The following TNFAIP2 variants were observed in gnomAD, a reference collection of about 807,000 sequenced individuals.
The protein encoded by TNFAIP2 is TNF alpha induced protein 2, also known as tumor necrosis factor alpha-induced protein 2.
TNFAIP2 carries 47 observed loss-of-function variants against 63.5 expected under a neutral mutation model. That is an observed-to-expected ratio of 0.74 (90% CI 0.59 to 0.94). The LOEUF (loss-of-function observed/expected upper bound fraction) is 0.94. Ranked by LOEUF, TNFAIP2 falls within the 40% of genes least tolerant of loss-of-function variation. The probability of loss-of-function intolerance (pLI) is 0.00; values close to 1 mark genes in which losing one functional copy is unlikely to be tolerated. For synonymous variants in TNFAIP2, 405 were observed against 390.2 expected, an observed-to-expected ratio of 1.04 and a Z score of -0.45; for missense variants, 787 against 850.2, an observed-to-expected ratio of 0.93 and a Z score of 0.92.
Position 103,131,170 on chromosome 14 carries a change from C to A in TNFAIP2, c.1298+20C>A. 1 of 1,612,696 alleles carries A rather than the reference C, an allele frequency of 6.2e-7. No homozygotes were observed. Among genetic ancestry groups the A allele is most frequent in the Non-Finnish European group, 8.5e-7 (1 of 1,178,872 alleles). On this transcript the variant is annotated intron_variant, in intron 7 of 11. Coordinates refer to ENST00000560869, the MANE Select transcript of TNFAIP2 (RefSeq NM_006291.4). The surrounding 1 kb of genome is among the most constrained non-coding windows in gnomAD (Gnocchi z 4.0). ...CTTCCGGTGAGAGTGTTGGGAGGGG[C>A]TTGCGGGAGTGGGAGTCACTCAGCG...
Position 103,135,488 on chromosome 14 carries a change from C to G in TNFAIP2, c.*128C>G. 1 of 1,500,830 alleles carries G rather than the reference C, an allele frequency of 6.7e-7. No individual in the cohort carries two copies. The highest frequency in any genetic ancestry group is 8.8e-7 in the Non-Finnish European group (1 of 1,134,656). The allele number at this position is 1,500,830 out of a possible 1,614,324, so 93.0% of individuals were successfully genotyped here. The stretch of plus-strand genomic sequence containing the variant: ...TCCTGTGCTCTGATGCTACTTCTGC[C>G]TAGCCCTGGCGGAGGTGCAGGCCCT... On this transcript the variant is annotated 3_prime_UTR_variant, in exon 12 of 12. Transcript: ENST00000560869. This position sits in a 1 kb window ranked among gnomAD's most constrained non-coding sequence, Gnocchi z 7.6.
Position 103,136,947 on chromosome 14 carries a change from T to C in TNFAIP2, c.*1587T>C, listed in dbSNP as rs945083111. On this transcript the variant is annotated 3_prime_UTR_variant, in exon 12 of 12. Coordinates refer to ENST00000560869, the MANE Select transcript of TNFAIP2 (RefSeq NM_006291.4). ...TTCCCACTGGCTGTGTAACCTAACA[T>C]AGTCACAGGCTCTGGGGACTGTCAC... 1 of 152,204 alleles carries C rather than the reference T, an allele frequency of 6.6e-6. No individual in the cohort carries two copies. The highest frequency in any genetic ancestry group is 2.4e-5 in the African/African-American group (1 of 41,436). 9.4% of individuals were successfully genotyped at this position (152,204 alleles called of 1,614,324 possible). A position where few individuals can be genotyped will look rare whatever the true frequency, so the allele number is the denominator to read the frequency against.
chr14:103,127,179 TG>T lies in TNFAIP2; in HGVS notation c.413del (p.Gly138AlafsTer87). 1 of 1,127,454 alleles carries T rather than the reference TG, an allele frequency of 8.9e-7. No homozygotes were observed. Among genetic ancestry groups the T allele is most frequent in the South Asian group, 2.4e-5 (1 of 41,284 alleles). The allele number at this position is 1,127,454 out of a possible 1,614,324, so 69.8% of individuals were successfully genotyped here. ...ALYELLRDQVLGVLRRPLEAP... is the reference protein window; with the variant it reads ...ALYELLRDQVXGVLRRPLEAP... Reference sequence around the variant, plus strand: ...TACGAGCTGCTGCGCGACCAGGTGCTGGGCGTGCTGCGGCGGCCGCTGGAGG... The same window carrying T: ...TACGAGCTGCTGCGCGACCAGGTGCTGGCGTGCTGCGGCGGCCGCTGGAGG... On this transcript the variant is annotated frameshift_variant, in exon 3 of 12. Coordinates refer to ENST00000560869, the MANE Select transcript of TNFAIP2 (RefSeq NM_006291.4). LOFTEE classifies it high-confidence loss of function. The surrounding 1 kb of genome is among the most constrained non-coding windows in gnomAD (Gnocchi z 5.1).
Position 103,127,754 on chromosome 14 carries a change from T to A in TNFAIP2, c.860+125T>A. 1 of 1,159,870 alleles carries A rather than the reference T, an allele frequency of 8.6e-7. No individual in the cohort carries two copies. The highest frequency in any genetic ancestry group is 1.1e-6 in the Non-Finnish European group (1 of 871,334). 71.8% of individuals were successfully genotyped at this position (1,159,870 alleles called of 1,614,324 possible). ...AGGTCGGTGTTTGCAGAGTTTTGGG[T>A]CCGAGAATGCAGGGGTGGGACTTGG... On this transcript the variant is annotated intron_variant, in intron 3 of 11. Transcript: ENST00000560869. The surrounding 1 kb of genome is among the most constrained non-coding windows in gnomAD (Gnocchi z 5.1).
intron 11 of TNFAIP2, among the ~76,000 whole-genome samples, chr14:103,134,217 G>A (rs2088049325): frequency 6.6e-6 from 1 of 152,242 alleles, no homozygotes; most frequent in African/African-American, 2.4e-5. Flanking sequence ...GCTGCCTGAA[G>A]TTCTGGTGGG....
At position 103,127,591 on chromosome 14, in the gene TNFAIP2, C is replaced by T; in HGVS notation, c.822C>T (p.Thr274=). The change falls in exon 3 of 12, where the codon ACC becomes ACT. Residue 274 remains threonine, a synonymous_variant. Coordinates refer to ENST00000560869, the MANE Select transcript of TNFAIP2 (RefSeq NM_006291.4). This position sits in a 1 kb window ranked among gnomAD's most constrained non-coding sequence, Gnocchi z 5.1. The part of the protein sequence containing the change: ...VAQFELCERD[T]YMLLLWVQNL... ...AGTTCGAGCTGTGCGAGCGCGACAC[C>T]TACATGCTGCTGCTCTGGGTGCAGA... 2 of 1,546,594 alleles carry T rather than the reference C, an allele frequency of 1.3e-6. No homozygotes were observed. The highest frequency in any genetic ancestry group is 1.7e-6 in the Non-Finnish European group (2 of 1,148,976).
At chr14:103,133,648 C>A (rs1000607872) in intron 10 of TNFAIP2, 34 bp from the exon 11 acceptor site, 1 of 1,549,196 alleles carries the variant, frequency 6.5e-7, no homozygotes, top group Admixed American at 1.9e-5. Flanking sequence ...GCCTCTGGAC[C>A]CCTGGGTCCC....
Position 103,135,585 on chromosome 14 carries a change from C to A in TNFAIP2, c.*225C>A. 7.1e-7 allele frequency: 1 copy of A among 1,410,830 alleles called. No homozygotes were observed. Among genetic ancestry groups the A allele is most frequent in the Non-Finnish European group, 9.2e-7 (1 of 1,084,440 alleles). 87.4% of individuals were successfully genotyped at this position (1,410,830 alleles called of 1,614,324 possible). A position where few individuals can be genotyped will look rare whatever the true frequency, so the allele number is the denominator to read the frequency against. On this transcript the variant is annotated 3_prime_UTR_variant, in exon 12 of 12. Coordinates refer to ENST00000560869, the MANE Select transcript of TNFAIP2 (RefSeq NM_006291.4). This position sits in a 1 kb window ranked among gnomAD's most constrained non-coding sequence, Gnocchi z 7.6. Reference sequence around the variant, plus strand: ...GGGCAGGAGCTCCCATCCTGGGCAGCCAACCAGGCAACACCAAGGACTCTT... The same window carrying A: ...GGGCAGGAGCTCCCATCCTGGGCAGACAACCAGGCAACACCAAGGACTCTT...
rs1566963715 is a variant in TNFAIP2, at chr14:103,129,872, CCAGGGAGGGG to C, written c.975+27_975+36del. ...GTGAGGCGGTGAGTCTCCACCTGGG[CCAGGGAGGGG>C]CAGGGAGGCAGCAGAGGAGAGGCTC... On this transcript the variant is annotated intron_variant, in intron 4 of 11. Coordinates refer to ENST00000560869, the MANE Select transcript of TNFAIP2 (RefSeq NM_006291.4). 1.9e-6 allele frequency: 3 copies of C among 1,610,956 alleles called. No homozygotes were observed. Among genetic ancestry groups the C allele is most frequent in the Non-Finnish European group, 2.5e-6 (3 of 1,177,620 alleles).
intron 1 of TNFAIP2, 89 bp from the exon 2 acceptor site, chr14:103,126,221 A>G: frequency 2.3e-6 from 1 of 435,296 alleles, no homozygotes. Context: ...GACTGAGTGT[A>G]CTCAATGCAG....
At chr14:103,122,699 TG>T (rs1405508974), upstream of TNFAIP2, 1 of 456,026 alleles carries the variant, frequency 2.2e-6, no homozygotes, top group East Asian at 7.0e-5. Flanking sequence ...GACGAGGCCC[TG>T]GAGTCTGGGC....
intron 2 of TNFAIP2, 32 bp downstream of exon 2, chr14:103,126,724 G>A: frequency 6.4e-7 from 1 of 1,551,178 alleles, no homozygotes; most frequent in Admixed American, 2.0e-5. Flanking sequence ...GAGCTAGTCT[G>A]GGGCCTGGAC....
rs200708776 is a variant in TNFAIP2, at chr14:103,135,329, G to A, written c.1934G>A (p.Arg645Gln). ...AGCATGGGGGCGCAGGAGCCCTCCC[G>A]GCCCCTATTTTCCCTTATAAAGGTT... ...DVSMGAQEPS[R>Q]PLFSLIKVG The change falls in exon 12 of 12, where the codon CGG (arginine) becomes CAG (glutamine). Residue 645 changes from arginine to glutamine, a missense_variant. By Grantham distance (43) the Arg-to-Gln change is conservative (BLOSUM62 1). Around this residue, in one of 3 missense-constraint regions of TNFAIP2, gnomAD observed 523 missense variants for 604.1 expected, o/e 0.87. Coordinates refer to ENST00000560869, the MANE Select transcript of TNFAIP2 (RefSeq NM_006291.4). The surrounding 1 kb of genome is among the most constrained non-coding windows in gnomAD (Gnocchi z 7.6). 19 of 1,612,694 alleles carry A rather than the reference G, an allele frequency of 1.2e-5. No homozygotes were observed. In the East Asian group the frequency reaches 1.8e-4, roughly 15 times the overall value.
At position 103,131,948 on chromosome 14, in the gene TNFAIP2, T is replaced by C. The variant is rs1285581621; in HGVS notation, c.1422+186T>C. On this transcript the variant is annotated intron_variant, in intron 8 of 11. Transcript: ENST00000560869. This position sits in a 1 kb window ranked among gnomAD's most constrained non-coding sequence, Gnocchi z 4.0. ...CCCGGTTGGGGACCCTAGCAGGCTCTGAACTCCGCCGATCATGTCCTGGGG... is the reference window on the plus strand; with the variant it reads ...CCCGGTTGGGGACCCTAGCAGGCTCCGAACTCCGCCGATCATGTCCTGGGG... Among the ~76,000 whole-genome samples, 1 of 146,760 alleles carries C rather than the reference T, an allele frequency of 6.8e-6. No individual in the cohort carries two copies. Among genetic ancestry groups the C allele is most frequent in the Non-Finnish European group, 1.5e-5 (1 of 66,186 alleles).
At chr14:103,129,924 T>C (rs920488111) in intron 4 of TNFAIP2, 70 bp downstream of exon 4, 249 of 1,607,676 alleles carry the variant, frequency 1.5e-4, no homozygotes, top group Non-Finnish European at 2.0e-4. Flanking sequence ...AGACAGGACA[T>C]GGGCAGGGAG....
In TNFAIP2 at chr14:103,127,674, C is replaced by T. The variant is rs1040096816; in HGVS notation, c.860+45C>T. On this transcript the variant is annotated intron_variant, in intron 3 of 11. Transcript: ENST00000560869. The surrounding 1 kb of genome is among the most constrained non-coding windows in gnomAD (Gnocchi z 5.1). ...GGCCCGGGCCGGCAGGGAGGGTGTC[C>T]TCTGTAGGAGGGGTGTCGAGGGGTG... The T allele has an allele frequency of 5.6e-6, 8 of 1,429,490 alleles. No homozygotes were observed. In the Admixed American group the frequency reaches 1.1e-4, roughly 19 times the overall value. The allele number at this position is 1,429,490 out of a possible 1,614,324, so 88.6% of individuals were successfully genotyped here. A position where few individuals can be genotyped will look rare whatever the true frequency, so the allele number is the denominator to read the frequency against.
chr14:103,131,402 C>T lies in TNFAIP2; in HGVS notation c.1299-237C>T, dbSNP rs1447453004. ...AACCCTGTGAAGTAGGTATAGTGAT[C>T]TGTCTATTAGGCAGATGGGCAAACC... On this transcript the variant is annotated intron_variant, in intron 7 of 11. Coordinates refer to ENST00000560869, the MANE Select transcript of TNFAIP2 (RefSeq NM_006291.4). This position sits in a 1 kb window ranked among gnomAD's most constrained non-coding sequence, Gnocchi z 4.0. 6.6e-6 allele frequency among the ~76,000 whole-genome samples: 1 copy of T among 152,182 alleles called. No homozygotes were observed. Among genetic ancestry groups the T allele is most frequent in the African/African-American group, 2.4e-5 (1 of 41,436 alleles).
rs1205967042 is a variant in TNFAIP2, at chr14:103,126,365, C to T, written c.-93C>T. 1.2e-6 allele frequency: 1 copy of T among 866,258 alleles called. No homozygotes were observed. The highest frequency in any genetic ancestry group is 1.8e-6 in the Non-Finnish European group (1 of 564,584). The allele number at this position is 866,258 out of a possible 1,614,324, so 53.7% of individuals were successfully genotyped here. A position where few individuals can be genotyped will look rare whatever the true frequency, so the allele number is the denominator to read the frequency against. ...GAAGATGATGACCTTCTTCCAAGGCCTCTAGAGCCATCAGCCTGTGCCAGG... is the reference window on the plus strand; with the variant it reads ...GAAGATGATGACCTTCTTCCAAGGCTTCTAGAGCCATCAGCCTGTGCCAGG... On this transcript the variant is annotated 5_prime_UTR_variant, in exon 2 of 12. Transcript: ENST00000560869.
At position 103,123,880 on chromosome 14, in the gene TNFAIP2, A is replaced by G. The variant is rs1170979050; in HGVS notation, c.-220A>G. ...GTGCGCCTTCCACATCCTGCCCAGG[A>G]CTGAAGGAGCCGGGCCCAGCGAGCT... is the stretch of plus-strand genomic sequence containing the variant. On this transcript the variant is annotated 5_prime_UTR_variant, in exon 1 of 12. Transcript: ENST00000560869. 1 of 152,316 alleles carries G rather than the reference A, an allele frequency of 6.6e-6. No individual in the cohort carries two copies. Among genetic ancestry groups the G allele is most frequent in the Non-Finnish European group, 1.5e-5 (1 of 68,132 alleles). 9.4% of individuals were successfully genotyped at this position (152,316 alleles called of 1,614,324 possible).
Sources: allele counts gnomAD v4.1 joint callset (sites outside exome capture counted in the v4.1 genomes callset), GRCh38; gene constraint gnomAD v4.1.1; regional missense constraint gnomAD v4.1.1; non-coding constraint Gnocchi (gnomAD v3.1); transcripts MANE v1.5; gene names NCBI Gene and HGNC (gene_info 2026-07-23, HGNC 2026-07-21).